Variants in KCNJ5 observed in about 807,000 individuals in gnomAD.
KCNJ5 encodes potassium inwardly rectifying channel subfamily J member 5, also known as G protein-activated inward rectifier potassium channel 4.
In KCNJ5, 12 loss-of-function variants were observed where a neutral mutation model predicts 20.2. The observed-to-expected ratio is 0.59, with a 90% CI of 0.38 to 0.96. The LOEUF (loss-of-function observed/expected upper bound fraction) is 0.96. Among genes scored for constraint, KCNJ5 ranks in the 40% least tolerant of loss-of-function variants. KCNJ5 has a pLI of 0.00. For synonymous variants in KCNJ5, 210 were observed against 213.9 expected, an observed-to-expected ratio of 0.98 and a Z score of 0.16; for missense variants, 449 against 557.6, an observed-to-expected ratio of 0.81 and a Z score of 1.96.
chr11:128,904,426 A>T, intron 1 of KCNJ5: 2 of 1,610,722 alleles, frequency 1.2e-6, no homozygotes, highest in African/African-American at 1.3e-5. Context: ...CGTCAATCTC[A>T]TTACCTGTTG....
intron 1 of KCNJ5, among the ~76,000 whole-genome samples, chr11:128,896,400 C>T (rs1245759742): frequency 6.6e-6 from 1 of 152,176 alleles, no homozygotes; most frequent in African/African-American, 2.4e-5. Context: ...ACCAGGAGGA[C>T]CTCTTATGTG....
intron 1 of KCNJ5, among the ~76,000 whole-genome samples, chr11:128,896,385 C>G (rs774033904): frequency 9.2e-5 from 14 of 152,172 alleles, no homozygotes; most frequent in Non-Finnish European, 2.1e-4. Context: ...AACAACATTT[C>G]CATCACCAGG....
intron 1 of KCNJ5, chr11:128,902,718 T>C (rs929150099): frequency 6.3e-7 from 1 of 1,599,712 alleles, no homozygotes; most frequent in Non-Finnish European, 8.5e-7. Context: ...GCAGACCTGT[T>C]GGTGCAAACA....
chr11:128,904,369 C>T (rs1372392616), intron 1 of KCNJ5: 2 of 1,604,698 alleles, frequency 1.2e-6, no homozygotes, highest in Admixed American at 1.7e-5. Flanking sequence ...CCTGTGTACT[C>T]CCCACCAGAC....
intron 2 of KCNJ5, among the ~76,000 whole-genome samples, chr11:128,912,731 G>A (rs528042866): frequency 1.4e-3 from 213 of 152,230 alleles, no homozygotes; most frequent in Non-Finnish European, 2.4e-3. Flanking sequence ...GGTTGGTGTC[G>A]AACTCCTGAC....
chr11:128,902,517 G>A (rs1450908624), intron 1 of KCNJ5: 6 of 1,563,954 alleles, frequency 3.8e-6, no homozygotes, highest in African/African-American at 1.4e-5. Context: ...GCATGGGGGA[G>A]GGGGCTGGGG....
chr11:128,905,286 C>A (rs1457091550), intron 1 of KCNJ5, among the ~76,000 whole-genome samples: 1 of 152,226 alleles, frequency 6.6e-6, no homozygotes, highest in Non-Finnish European at 1.5e-5. Context: ...CATCCCCCAG[C>A]CCCGCCTCCT....
At chr11:128,909,984 T>C (rs191962717) in intron 1 of KCNJ5, 3 of 152,320 alleles carry the variant, frequency 2.0e-5, no homozygotes, top group Admixed American at 2.0e-4. Context: ...CAGATAAACC[T>C]AGACCCAAAA....
chr11:128,905,974 C>T (rs539077318), intron 1 of KCNJ5: 4 of 152,294 alleles, frequency 2.6e-5, no homozygotes, highest in Non-Finnish European at 5.9e-5. Context: ...ACGATGCTGA[C>T]ACACCGTAGG....
At chr11:128,915,143 T>A (rs976773314) in intron 2 of KCNJ5, among the ~76,000 whole-genome samples, 2 of 152,230 alleles carry the variant, frequency 1.3e-5, no homozygotes, top group South Asian at 2.1e-4. Flanking sequence ...ACCAACACAG[T>A]TAATGCCTTC....
intron 1 of KCNJ5, chr11:128,901,001 T>C (rs970338969): frequency 2.0e-5 from 3 of 152,242 alleles, no homozygotes; most frequent in African/African-American, 7.2e-5. Flanking sequence ...ATGGCAGAGA[T>C]GTCATGAACA....
chr11:128,903,994 G>A (rs1944344296), intron 1 of KCNJ5, among the ~76,000 whole-genome samples: 1 of 152,182 alleles, frequency 6.6e-6, no homozygotes, highest in South Asian at 2.1e-4. Context: ...TTTGGAATCA[G>A]ACAAAACCTA....
Position 128,893,706 on chromosome 11 carries a change from G to GTT in KCNJ5, c.-11+1985_-11+1986insTT, listed in dbSNP as rs1565541485. ...AAGGAGGAGCCAAGGGTGAGGGGGG[G>GTT]GGTCAAAGCGAACCTGGGCCACATT... On this transcript the variant is annotated intron_variant, in intron 1 of 2. Transcript: ENST00000529694. 2.7e-3 allele frequency among the ~76,000 whole-genome samples: 413 copies of GTT among 152,250 alleles called. 1 individual carries two copies. Among genetic ancestry groups the GTT allele is most frequent in the African/African-American group, 9.5e-3 (393 of 41,558 alleles).
Position 128,902,503 on chromosome 11 carries a change from G to A in KCNJ5, c.-10-8761G>A, listed in dbSNP as rs1022027347. On this transcript the variant is annotated intron_variant, in intron 1 of 2. Coordinates refer to ENST00000529694, the MANE Select transcript of KCNJ5 (RefSeq NM_000890.5). ...AAGGAACAGGGATGTCATAGCAGCCGTCTGCATGGGGGAGGGGGCTGGGGA... is the reference window on the plus strand; with the variant it reads ...AAGGAACAGGGATGTCATAGCAGCCATCTGCATGGGGGAGGGGGCTGGGGA... 1.5e-4 allele frequency: 228 copies of A among 1,554,568 alleles called. 1 individual carries two copies. The highest frequency in any genetic ancestry group is 7.2e-5 in the East Asian group (3 of 41,626).
Position 128,916,502 on chromosome 11 carries a change from A to G in KCNJ5, c.1031A>G (p.Tyr344Cys). The change falls in exon 3 of 3, where the codon TAT becomes TGT. Residue 344 changes from tyrosine to cysteine, a missense_variant. By Grantham distance (194) the Tyr-to-Cys change is radical (BLOSUM62 -2). Around this residue, in one of 5 missense-constraint regions of KCNJ5, gnomAD observed 34 missense variants for 63.8 expected, o/e 0.53. Transcript: ENST00000529694. ...TPVLTLEKGF[Y>C]EVDYNTFHDT... The stretch of plus-strand genomic sequence containing the variant: ...GTCCTCACCTTGGAAAAGGGCTTCT[A>G]TGAGGTGGACTACAACACCTTCCAT... The G allele has an allele frequency of 2.5e-6, 4 of 1,614,184 alleles. No homozygotes were observed. The highest frequency in any genetic ancestry group is 3.4e-6 in the Non-Finnish European group (4 of 1,180,022).
At chr11:128,894,464 C>G (rs1457532341) in intron 1 of KCNJ5, among the ~76,000 whole-genome samples, 2 of 152,158 alleles carry the variant, frequency 1.3e-5, no homozygotes, top group Non-Finnish European at 2.9e-5. Context: ...GAGCTATAGA[C>G]AGGTCATTGA....
chr11:128,916,340 G>A, intron 2 of KCNJ5, 69 bp from the exon 3 acceptor site: 1 of 1,159,046 alleles, frequency 8.6e-7, no homozygotes, highest in Non-Finnish European at 1.3e-6. Context: ...ATTGATGGAT[G>A]AATGGATGAA....
chr11:128,905,650 G>A (rs1944395546), intron 1 of KCNJ5: 1 of 152,332 alleles, frequency 6.6e-6, no homozygotes, highest in East Asian at 1.9e-4. Context: ...GCAGGGCCAG[G>A]GATGAAGGTG....
At chr11:128,895,598 A>T (rs1293953422) in intron 1 of KCNJ5, among the ~76,000 whole-genome samples, 1 of 152,214 alleles carries the variant, frequency 6.6e-6, no homozygotes, top group Non-Finnish European at 1.5e-5. Flanking sequence ...CCTTCTCCAG[A>T]AGAACTCCCT....
Sources: allele counts gnomAD v4.1 joint callset (sites outside exome capture counted in the v4.1 genomes callset), GRCh38; gene constraint gnomAD v4.1.1; regional missense constraint gnomAD v4.1.1; transcripts MANE v1.5; gene names NCBI Gene and HGNC (gene_info 2026-07-23, HGNC 2026-07-21).